The following SDHA variants were observed in gnomAD, a reference collection of about 807,000 sequenced individuals.
SDHA encodes succinate dehydrogenase [ubiquinone] flavoprotein subunit, mitochondrial.
SDHA carries 48 observed loss-of-function variants against 78.4 expected under a neutral mutation model. The ratio of observed to expected loss-of-function variants is 0.61; its 90% CI spans 0.49 to 0.78. The LOEUF (loss-of-function observed/expected upper bound fraction) is 0.78. SDHA is among the 30% of genes least tolerant of loss of function. The pLI is 0.00. For missense variants in SDHA, 680 were observed against 892.7 expected (o/e 0.76, Z 3.04); for synonymous variants, 326 against 353.9 (o/e 0.92, Z 0.88).
intron 1 of SDHA, among the ~76,000 whole-genome samples, chr5:218,728 G>A (rs1734530894): frequency 2.0e-5 from 3 of 152,248 alleles, no homozygotes; most frequent in Admixed American, 1.3e-4. Context: ...GCGGGCTGAG[G>A]TAGCCCCTCG....
At chr5:257,827 A>G (rs1352398330), downstream of SDHA, among the ~76,000 whole-genome samples, 3 of 27,940 alleles carry the variant, frequency 1.1e-4, no homozygotes, top group Non-Finnish European at 1.9e-4. Flanking sequence ...GGTGAGCTCC[A>G]CCCCCTGCCA....
At chr5:219,384 TG>T (rs1734586664) in intron 1 of SDHA, among the ~76,000 whole-genome samples, 1 of 152,248 alleles carries the variant, frequency 6.6e-6, no homozygotes, top group South Asian at 2.1e-4. Flanking sequence ...TTCTTTTAAA[TG>T]AACTTACCCA....
chr5:266,772 T>C, the SDHA span, among the ~76,000 whole-genome samples: 1 of 152,200 alleles, frequency 6.6e-6, no homozygotes, highest in African/African-American at 2.4e-5. Flanking sequence ...GGCCGCTGTG[T>C]CTGAGATATT....
intron 11 of SDHA, among the ~76,000 whole-genome samples, chr5:241,454 A>G (rs1311946150): frequency 3.9e-5 from 6 of 152,192 alleles, no homozygotes; most frequent in African/African-American, 7.2e-5. Context: ...AGTGGGCGGC[A>G]GGTGGAAACT....
rs2126543437 is a variant in SDHA, at chr5:224,521, G to A, written c.312G>A (p.Gln104=). Residue 104 remains glutamine (Q), a splice_region_variant and synonymous_variant, in exon 3 of 15, where the codon CAG becomes CAA. Coordinates refer to ENST00000264932, the MANE Select transcript of SDHA (RefSeq NM_004168.4). ...FPTRSHTVAA[Q]GGINAALGNM... ...CCAGGTCACACACTGTTGCAGCACAGGTAAGAGAAAGGTGCCCCACTGTGC... is the reference window on the plus strand; with the variant it reads ...CCAGGTCACACACTGTTGCAGCACAAGTAAGAGAAAGGTGCCCCACTGTGC... 2 of 1,612,210 alleles carry A rather than the reference G, an allele frequency of 1.2e-6. No individual in the cohort carries two copies. The highest frequency in any genetic ancestry group is 1.3e-5 in the African/African-American group (1 of 74,910).
chr5:225,450 A>G lies in SDHA; in HGVS notation c.344A>G (p.Glu115Gly), dbSNP rs1224313150. Residue 115 changes from glutamate (E) to glycine (G), a missense_variant, in exon 4 of 15, where the codon GAG becomes GGG. Transcript: ENST00000264932. ...ATCAATGCTGCTCTGGGGAACATGG[A>G]GGAGGACAACTGGAGGTGGCATTTC... ...GGINAALGNM[E>G]EDNWRWHFYD... 1 of 1,612,922 alleles carries G rather than the reference A, an allele frequency of 6.2e-7. No homozygotes were observed. Among genetic ancestry groups the G allele is most frequent in the Non-Finnish European group, 8.5e-7 (1 of 1,179,792 alleles).
At chr5:228,387 TAG>T in intron 6 of SDHA, 54 bp downstream of exon 6, 5 of 1,540,038 alleles carry the variant, frequency 3.2e-6, no homozygotes, top group Non-Finnish European at 4.5e-6. Context: ...AAATTTCATT[TAG>T]AGTTTCTTTA....
In SDHA at chr5:218,325, C is replaced by T. The variant is rs752298146; in HGVS notation, c.-31C>T. 7 of 1,444,940 alleles carry T rather than the reference C, an allele frequency of 4.8e-6. No homozygotes were observed. The African/African-American group carries it at 7.4e-5, about 15-fold the overall frequency. The allele number at this position is 1,444,940 out of a possible 1,614,324, so 89.5% of individuals were successfully genotyped here. A position where few individuals can be genotyped will look rare whatever the true frequency, so the allele number is the denominator to read the frequency against. ...TGCGCAGGCGCAGTCTGCGCAGGGA[C>T]TGGCGGGACTGCGCGGCGGCAACAG... On this transcript the variant is annotated 5_prime_UTR_variant, in exon 1 of 15. Transcript: ENST00000264932.
intron 1 of SDHA, among the ~76,000 whole-genome samples, chr5:221,997 T>C (rs1021331054): frequency 5.9e-5 from 9 of 152,190 alleles, no homozygotes; most frequent in Non-Finnish European, 1.2e-4. Flanking sequence ...TGGTATAATA[T>C]ACTGTTCTTA....
rs752738784 is a variant in SDHA at position 233,598 on chromosome 5, T to G, written c.1017T>G (p.Ser339=). ...CCCCTGTCGCGAAGGACCTGGCGTC[T>G]AGAGATGTGGTGTCTCGGTCCATGA... ...RYAPVAKDLA[S]RDVVSRSMTL... The change falls in exon 8 of 15, where the codon TCT becomes TCG. Residue 339 remains serine, a synonymous_variant. Coordinates refer to ENST00000264932, the MANE Select transcript of SDHA (RefSeq NM_004168.4). 1 of 1,614,182 alleles carries G rather than the reference T, an allele frequency of 6.2e-7. No homozygotes were observed. The highest frequency in any genetic ancestry group is 1.7e-5 in the Admixed American group (1 of 60,020).
At chr5:227,917 C>T in intron 5 of SDHA, 2 of 447,508 alleles carry the variant, frequency 4.5e-6, no homozygotes, top group Non-Finnish European at 8.3e-6. Flanking sequence ...GTGTGGAGTG[C>T]CTCTTCGGGT....
At chr5:224,841 A>G (rs373250514) in intron 3 of SDHA, 4 of 410,552 alleles carry the variant, frequency 9.7e-6, no homozygotes, top group African/African-American at 2.0e-5. Context: ...AAGAGGAGGA[A>G]TCAGAATTTA....
intron 10 of SDHA, among the ~76,000 whole-genome samples, chr5:238,013 G>C (rs1448793154): frequency 7.3e-6 from 1 of 136,994 alleles, no homozygotes; most frequent in African/African-American, 3.4e-5. Context: ...ACTTCTCTCA[G>C]AGCAATGTAG....
chr5:257,803 C>T (rs1361113902), downstream of SDHA, among the ~76,000 whole-genome samples: 4 of 76,644 alleles, frequency 5.2e-5, no homozygotes, highest in African/African-American at 7.7e-5. Flanking sequence ...CCACCCCCTG[C>T]CAGAGCATTA....
At chr5:250,896 A>T in intron 11 of SDHA, 96 bp from the exon 12 acceptor site, 2 of 1,026,994 alleles carry the variant, frequency 1.9e-6, no homozygotes, top group South Asian at 1.3e-5. Context: ...TGTAACTTTT[A>T]AGTGAAATGC....
the SDHA span, among the ~76,000 whole-genome samples, chr5:268,441 C>T: frequency 2.6e-4 from 40 of 151,946 alleles, no homozygotes; most frequent in Non-Finnish European, 4.7e-4. Context: ...GCTGGAATTA[C>T]AGCTGTGAGC....
intron 11 of SDHA, among the ~76,000 whole-genome samples, chr5:243,352 TG>T (rs60021335): frequency 0.24 from 36,627 of 152,122 alleles, 6,841 homozygotes; most frequent in African/African-American, 0.52. Context: ...TACTTGAGCT[TG>T]TCTAACTCCT....
At chr5:224,058 C>T (rs1192586420) in intron 2 of SDHA, among the ~76,000 whole-genome samples, 1 of 152,178 alleles carries the variant, frequency 6.6e-6, no homozygotes, top group Admixed American at 6.5e-5. Flanking sequence ...CGACTGAATA[C>T]TCCTTGGCAC....
the SDHA span, among the ~76,000 whole-genome samples, chr5:265,858 G>A: frequency 2.2e-3 from 326 of 150,382 alleles, 1 homozygote; most frequent in African/African-American, 7.5e-3. Flanking sequence ...CCACCCCAAT[G>A]CTGTGGTTCT....
Sources: allele counts gnomAD v4.1 joint callset (sites outside exome capture counted in the v4.1 genomes callset), GRCh38; gene constraint gnomAD v4.1.1; transcripts MANE v1.5; gene names NCBI Gene and HGNC (gene_info 2026-07-23, HGNC 2026-07-21).